The following HS6ST3 variants were observed in gnomAD, a reference collection of about 807,000 sequenced individuals.
The protein encoded by HS6ST3 is heparan sulfate 6-O-sulfotransferase 3.
HS6ST3 carries 12 observed loss-of-function variants against 36.7 expected under a neutral mutation model. That is an observed-to-expected ratio of 0.33 (90% CI 0.21 to 0.53). HS6ST3 has a LOEUF of 0.53. HS6ST3 is among the 20% of genes least tolerant of loss of function. The probability of loss-of-function intolerance (pLI) is 0.95; values close to 1 mark genes in which losing one functional copy is unlikely to be tolerated. For synonymous variants in HS6ST3, 240 were observed against 257.5 expected, an observed-to-expected ratio of 0.93 and a Z score of 0.65; for missense variants, 584 against 640.9, an observed-to-expected ratio of 0.91 and a Z score of 0.96.
intron 1 of HS6ST3, among the ~76,000 whole-genome samples, chr13:96,584,114 T>C (rs2056352344): frequency 6.6e-6 from 1 of 152,166 alleles, no homozygotes; most frequent in Non-Finnish European, 1.5e-5. Flanking sequence ...TATTTGAGTT[T>C]GTTACTTGTT....
At chr13:96,796,073 AAT>A (rs1877900922) in intron 1 of HS6ST3, among the ~76,000 whole-genome samples, 2 of 152,262 alleles carry the variant, frequency 1.3e-5, no homozygotes, top group Middle Eastern at 6.8e-3. Context: ...ATCTGTTTCC[AAT>A]ATGTCTGTTA....
In HS6ST3 at chr13:96,827,610, CTA is replaced by C. The variant is rs1464389203; in HGVS notation, c.708-4878_708-4877del. Among the ~76,000 whole-genome samples the C allele has an allele frequency of 2.0e-5, 3 of 152,272 alleles. No individual in the cohort carries two copies. The East Asian group carries it at 5.8e-4, about 29-fold the overall frequency. On this transcript the variant is annotated intron_variant, in intron 1 of 1. Coordinates refer to ENST00000376705, the MANE Select transcript of HS6ST3 (RefSeq NM_153456.4). ...ATAAATATATTCCACTAGGACATTT[CTA>C]TGTTTTGATGTCAGAGCAGAGGTAG... is the stretch of plus-strand genomic sequence containing the variant.
At chr13:96,334,191 G>A (rs1264378813) in intron 1 of HS6ST3, among the ~76,000 whole-genome samples, 3 of 152,210 alleles carry the variant, frequency 2.0e-5, no homozygotes, top group African/African-American at 7.2e-5. Flanking sequence ...TTGAATATAA[G>A]TTCATGCCAA....
intron 1 of HS6ST3, among the ~76,000 whole-genome samples, chr13:96,696,963 C>G (rs1875145308): frequency 6.6e-6 from 1 of 152,084 alleles, no homozygotes; most frequent in South Asian, 2.1e-4. Context: ...TCAGAATCTT[C>G]AGACATTTGA....
intron 1 of HS6ST3, among the ~76,000 whole-genome samples, chr13:96,442,153 C>T (rs1040705747): frequency 5.3e-5 from 8 of 151,854 alleles, no homozygotes; most frequent in African/African-American, 1.9e-4. Flanking sequence ...TCCCAAGTGG[C>T]TGGGACGACA....
At chr13:96,673,058 A>G (rs1594832861) in intron 1 of HS6ST3, among the ~76,000 whole-genome samples, 2 of 152,004 alleles carry the variant, frequency 1.3e-5, no homozygotes, top group African/African-American at 2.4e-5. Context: ...CTAGAGGAGA[A>G]CCCTCTCCTT....
chr13:96,820,400 A>T (rs925421138), intron 1 of HS6ST3, among the ~76,000 whole-genome samples: 7 of 152,166 alleles, frequency 4.6e-5, no homozygotes, highest in African/African-American at 1.7e-4. Context: ...CGGAGTGTGT[A>T]TATAAATGGT....
At chr13:96,093,942 T>C (rs2053777513) in intron 1 of HS6ST3, among the ~76,000 whole-genome samples, 1 of 152,338 alleles carries the variant, frequency 6.6e-6, no homozygotes, top group South Asian at 2.1e-4. Context: ...CTACTTCAAA[T>C]AGGGCTGACT....
chr13:96,388,702 C>T (rs1043853896), intron 1 of HS6ST3, among the ~76,000 whole-genome samples: 112 of 152,052 alleles, frequency 7.4e-4, no homozygotes, highest in African/African-American at 2.6e-3. Context: ...AGGGTGGGAC[C>T]AGGTGGAGGT....
chr13:96,736,123 G>C (rs1876279021), intron 1 of HS6ST3, among the ~76,000 whole-genome samples: 1 of 151,972 alleles, frequency 6.6e-6, no homozygotes, highest in East Asian at 1.9e-4. Flanking sequence ...TGGATACTAG[G>C]CTTAATACCT....
chr13:96,190,259 C>T lies in HS6ST3; in HGVS notation c.707+98690C>T, dbSNP rs145273345. ...ACTGTTCTAGGTGCCAGCTCCTTTG[C>T]GTTCTTATTGGGTCTCTGCCTGGGC... is the stretch of plus-strand genomic sequence containing the variant. On this transcript the variant is annotated intron_variant, in intron 1 of 1. Transcript: ENST00000376705. Among the ~76,000 whole-genome samples the T allele has an allele frequency of 5.9e-4, 90 of 152,260 alleles. 1 individual carries two copies. Among genetic ancestry groups the T allele is most frequent in the African/African-American group, 1.9e-3 (79 of 41,558 alleles).
chr13:96,400,884 C>T (rs1483139070), intron 1 of HS6ST3, among the ~76,000 whole-genome samples: 1 of 152,088 alleles, frequency 6.6e-6, no homozygotes, highest in Non-Finnish European at 1.5e-5. Context: ...AGTATTCTAC[C>T]TCCTGGTTTC....
intron 1 of HS6ST3, among the ~76,000 whole-genome samples, chr13:96,146,664 C>T (rs935544943): frequency 1.3e-5 from 2 of 151,996 alleles, no homozygotes; most frequent in Non-Finnish European, 2.9e-5. Flanking sequence ...CCTGCCTGAC[C>T]CTGTTTTCTT....
At chr13:96,747,019 G>A (rs936468763) in intron 1 of HS6ST3, among the ~76,000 whole-genome samples, 5 of 152,026 alleles carry the variant, frequency 3.3e-5, no homozygotes, top group African/African-American at 9.7e-5. Flanking sequence ...ATTATACTGC[G>A]AGACTATTTT....
At chr13:96,397,379 G>GATCC (rs1227156831) in intron 1 of HS6ST3, among the ~76,000 whole-genome samples, 2 of 151,738 alleles carry the variant, frequency 1.3e-5, no homozygotes, top group Non-Finnish European at 2.9e-5. Context: ...TTTTCCCTTT[G>GATCC]ATCCACTCAT....
intron 1 of HS6ST3, among the ~76,000 whole-genome samples, chr13:96,729,563 T>A (rs1876091696): frequency 6.6e-6 from 1 of 152,146 alleles, no homozygotes; most frequent in Non-Finnish European, 1.5e-5. Context: ...TTCAAGCGAT[T>A]CTTCTGCCTC....
At chr13:96,684,823 G>A (rs1037463659) in intron 1 of HS6ST3, among the ~76,000 whole-genome samples, 3 of 151,938 alleles carry the variant, frequency 2.0e-5, no homozygotes, top group Non-Finnish European at 4.4e-5. Flanking sequence ...AAGAAGACCC[G>A]CCCAAGCAAG....
intron 1 of HS6ST3, among the ~76,000 whole-genome samples, chr13:96,270,461 C>G (rs900497150): frequency 2.0e-5 from 3 of 151,854 alleles, no homozygotes; most frequent in Admixed American, 6.6e-5. Context: ...ATTCAATTGT[C>G]TCTTTTAATT....
intron 1 of HS6ST3, among the ~76,000 whole-genome samples, chr13:96,369,932 G>A (rs960037275): frequency 1.3e-5 from 2 of 151,958 alleles, no homozygotes; most frequent in Non-Finnish European, 1.5e-5. Flanking sequence ...ATTCCTGACA[G>A]TATAATTATA....
Sources: allele counts gnomAD v4.1 joint callset (sites outside exome capture counted in the v4.1 genomes callset), GRCh38; gene constraint gnomAD v4.1.1; transcripts MANE v1.5; gene names NCBI Gene and HGNC (gene_info 2026-07-23, HGNC 2026-07-21).